OTUD7A: variants seen among roughly 807,000 people sequenced by gnomAD.
OTUD7A encodes the protein OTU domain-containing protein 7A.
In OTUD7A, 12 loss-of-function variants were observed where a neutral mutation model predicts 65.7. The observed-to-expected ratio is 0.18, with a 90% CI of 0.12 to 0.30. The LOEUF (loss-of-function observed/expected upper bound fraction) is 0.30. OTUD7A is among the 10% of genes least tolerant of loss of function. The pLI is 1.00. For synonymous variants in OTUD7A, 641 were observed against 586.3 expected, an observed-to-expected ratio of 1.09 and a Z score of -1.35; for missense variants, 1,148 against 1,304.8, an observed-to-expected ratio of 0.88 and a Z score of 1.85.
At chr15:31,746,957 C>T (rs976268119) in intron 1 of OTUD7A, among the ~76,000 whole-genome samples, 2 of 152,084 alleles carry the variant, frequency 1.3e-5, no homozygotes, top group Admixed American at 6.6e-5. Flanking sequence ...TTGGTAGATG[C>T]GTTTGTCAGA....
chr15:31,756,964 C>A (rs1894834348), intron 1 of OTUD7A, among the ~76,000 whole-genome samples: 1 of 152,142 alleles, frequency 6.6e-6, no homozygotes, highest in East Asian at 1.9e-4. Flanking sequence ...AGGAAACCAT[C>A]CTCTTCCTCA....
chr15:31,637,399 A>G lies in OTUD7A; in HGVS notation c.151+17697T>C, dbSNP rs540701892. ...TGAGACATGCTGCTCAGAAAGAAAG[A>G]TTTCTTTCAAAATATTACTGCTCAT... On this transcript the variant is annotated intron_variant, in intron 3 of 12. Transcript: ENST00000307050. Among the ~76,000 whole-genome samples, 229 of 152,310 alleles carry G rather than the reference A, an allele frequency of 1.5e-3. 2 individuals are homozygous for G. The highest frequency in any genetic ancestry group is 5.2e-3 in the African/African-American group (215 of 41,576).
intron 5 of OTUD7A, among the ~76,000 whole-genome samples, chr15:31,540,753 G>A (rs1193548037): frequency 6.6e-6 from 1 of 152,188 alleles, no homozygotes; most frequent in East Asian, 1.9e-4. Context: ...ATGAATGAAT[G>A]AGTGAACCAA....
At chr15:31,533,484 G>C (rs1050158566) in intron 5 of OTUD7A, among the ~76,000 whole-genome samples, 3 of 152,168 alleles carry the variant, frequency 2.0e-5, no homozygotes, top group African/African-American at 7.2e-5. Context: ...TGATCTGCCT[G>C]CGTTGGCCTC....
chr15:31,628,005 T>A (rs1891015809), intron 3 of OTUD7A, among the ~76,000 whole-genome samples: 1 of 152,210 alleles, frequency 6.6e-6, no homozygotes, highest in Non-Finnish European at 1.5e-5. Context: ...CTTTGTCAGA[T>A]GAGTAGGTTG....
chr15:31,782,112 C>G (rs899099835), intron 1 of OTUD7A, among the ~76,000 whole-genome samples: 1 of 152,200 alleles, frequency 6.6e-6, no homozygotes, highest in Admixed American at 6.5e-5. Flanking sequence ...AGACGTGACG[C>G]ACAGTGACAC....
At chr15:31,652,429 A>G (rs2141274990) in intron 3 of OTUD7A, among the ~76,000 whole-genome samples, 1 of 152,336 alleles carries the variant, frequency 6.6e-6, no homozygotes, top group Non-Finnish European at 1.5e-5. Context: ...ACCTGGAGTT[A>G]TGCAAAATTT....
At position 31,482,613 on chromosome 15, in the gene OTUD7A, G is replaced by C. The variant is rs1164854427; in HGVS notation, c.*681C>G. On this transcript the variant is annotated 3_prime_UTR_variant, in exon 13 of 13. Transcript: ENST00000307050. ...CTGTACCTCACGGCGCCCGCGAGAC[G>C]GGTGGTCCAGTGCCCTTTCCACGGC... 3.3e-5 allele frequency: 5 copies of C among 152,246 alleles called. No homozygotes were observed. The highest frequency in any genetic ancestry group is 1.2e-4 in the African/African-American group (5 of 41,458). The allele number at this position is 152,246 out of a possible 1,614,324, so 9.4% of individuals were successfully genotyped here. A position where few individuals can be genotyped will look rare whatever the true frequency, so the allele number is the denominator to read the frequency against.
chr15:31,851,716 G>A (rs1203346294), intron 1 of OTUD7A, among the ~76,000 whole-genome samples: 3 of 152,134 alleles, frequency 2.0e-5, no homozygotes, highest in Admixed American at 2.0e-4. Flanking sequence ...GGCCCTTCTG[G>A]CTTCTCTAAA....
At chr15:31,536,316 A>G (rs1018833012) in intron 5 of OTUD7A, among the ~76,000 whole-genome samples, 3 of 152,216 alleles carry the variant, frequency 2.0e-5, no homozygotes, top group Non-Finnish European at 4.4e-5. Flanking sequence ...GGATAATACT[A>G]AAATTGTTTA....
At chr15:31,502,274 G>A (rs1407010738) in intron 9 of OTUD7A, among the ~76,000 whole-genome samples, 1 of 152,206 alleles carries the variant, frequency 6.6e-6, no homozygotes, top group East Asian at 1.9e-4. Flanking sequence ...GAGAGCTCCA[G>A]GACCAAGATG....
chr15:31,507,261 G>C (rs1488354774), intron 8 of OTUD7A, among the ~76,000 whole-genome samples: 1 of 152,180 alleles, frequency 6.6e-6, no homozygotes, highest in Non-Finnish European at 1.5e-5. Flanking sequence ...TTTAGAGTTA[G>C]TTAAGGTGGA....
intron 1 of OTUD7A, among the ~76,000 whole-genome samples, chr15:31,829,370 T>C (rs1012945621): frequency 3.3e-5 from 5 of 152,136 alleles, no homozygotes; most frequent in African/African-American, 1.2e-4. Flanking sequence ...TCCATGCTGG[T>C]TTTGTTCTGG....
chr15:31,852,399 T>C lies in OTUD7A; in HGVS notation c.-100+18108A>G, dbSNP rs78290372. ...GGCCTTTGAAACTAAGTTTTGCAGA[T>C]GGAGAAACTAAAAAACTAAGGGTTG... is the stretch of plus-strand genomic sequence containing the variant. On this transcript the variant is annotated intron_variant, in intron 1 of 12. Transcript: ENST00000307050. 7.5e-3 allele frequency among the ~76,000 whole-genome samples: 1,145 copies of C among 152,344 alleles called. 10 individuals are homozygous for C. Among genetic ancestry groups the C allele is most frequent in the Non-Finnish European group, 0.012 (803 of 68,034 alleles).
intron 5 of OTUD7A, among the ~76,000 whole-genome samples, chr15:31,551,707 C>A (rs538112844): frequency 1.3e-5 from 2 of 152,190 alleles, no homozygotes; most frequent in Non-Finnish European, 2.9e-5. Flanking sequence ...GGGATTCTTG[C>A]CCTAAATGTG....
chr15:31,822,207 C>T (rs1406144198), intron 1 of OTUD7A, among the ~76,000 whole-genome samples: 3 of 152,202 alleles, frequency 2.0e-5, no homozygotes, highest in African/African-American at 4.8e-5. Context: ...TGGTCATCTG[C>T]TCCCATGTGT....
chr15:31,507,172 T>C (rs937594450), intron 8 of OTUD7A, among the ~76,000 whole-genome samples: 1 of 152,144 alleles, frequency 6.6e-6, no homozygotes, highest in African/African-American at 2.4e-5. Context: ...GATGGGGGAA[T>C]AATGTGTATT....
chr15:31,830,297 C>A (rs1021316809), intron 1 of OTUD7A, among the ~76,000 whole-genome samples: 1 of 152,160 alleles, frequency 6.6e-6, no homozygotes, highest in African/African-American at 2.4e-5. Context: ...CTGAGTCAGA[C>A]ACAAAAAATG....
chr15:31,606,828 G>A (rs1890252213), intron 3 of OTUD7A, among the ~76,000 whole-genome samples: 1 of 152,066 alleles, frequency 6.6e-6, no homozygotes, highest in Non-Finnish European at 1.5e-5. Context: ...ATATAATGCT[G>A]ACATTATATA....
Sources: allele counts gnomAD v4.1 joint callset (sites outside exome capture counted in the v4.1 genomes callset), GRCh38; gene constraint gnomAD v4.1.1; transcripts MANE v1.5; gene names NCBI Gene and HGNC (gene_info 2026-07-23, HGNC 2026-07-21).